Variants in PLD5 observed in about 807,000 individuals in gnomAD.
PLD5 encodes inactive phospholipase D5.
In PLD5, 36 loss-of-function variants were observed where a neutral mutation model predicts 61.1. The observed-to-expected ratio is 0.59, with a 90% CI of 0.45 to 0.78. The LOEUF is 0.78. Ranked by LOEUF, PLD5 falls within the 30% of genes least tolerant of loss-of-function variation. PLD5 has a pLI of 0.00. For synonymous variants in PLD5, 243 were observed against 242.8 expected (o/e 1.00, Z -0.01); for missense variants, 515 against 644.4 (o/e 0.80, Z 2.17).
At chr1:242,287,229 C>G (rs1427756895) in intron 3 of PLD5, among the ~76,000 whole-genome samples, 1 of 152,174 alleles carries the variant, frequency 6.6e-6, no homozygotes, top group Admixed American at 6.5e-5. Flanking sequence ...GAAAGCCATC[C>G]AGGATTCTCC....
chr1:242,463,985 C>T (rs562008690), intron 1 of PLD5, among the ~76,000 whole-genome samples: 3 of 152,284 alleles, frequency 2.0e-5, no homozygotes, highest in African/African-American at 7.2e-5. Flanking sequence ...TTCCCCACCT[C>T]TCCACTGACA....
chr1:242,095,234 ATATT>A (rs1240573392), intron 9 of PLD5, among the ~76,000 whole-genome samples: 1 of 151,354 alleles, frequency 6.6e-6, no homozygotes, highest in Non-Finnish European at 1.5e-5. Flanking sequence ...CGCGTCCGGC[ATATT>A]TATTTATTTA....
At chr1:242,366,984 ACT>A (rs1157127373) in intron 1 of PLD5, among the ~76,000 whole-genome samples, 1 of 152,108 alleles carries the variant, frequency 6.6e-6, no homozygotes, top group Non-Finnish European at 1.5e-5. Context: ...AATGTAAAAC[ACT>A]CTGAGCCCAT....
intron 2 of PLD5, among the ~76,000 whole-genome samples, chr1:242,297,106 G>A (rs1675703269): frequency 6.6e-6 from 1 of 152,060 alleles, no homozygotes; most frequent in Admixed American, 6.6e-5. Context: ...AGCACTTTGG[G>A]AGGCCAAGGC....
chr1:242,330,364 A>C (rs969698195), intron 2 of PLD5, among the ~76,000 whole-genome samples: 88 of 152,256 alleles, frequency 5.8e-4, no homozygotes, highest in African/African-American at 2.0e-3. Context: ...CTGTGACAAC[A>C]TTGAGCCTTT....
chr1:242,180,859 T>C (rs1233983638), intron 5 of PLD5, among the ~76,000 whole-genome samples: 1 of 152,156 alleles, frequency 6.6e-6, no homozygotes, highest in Admixed American at 6.5e-5. Flanking sequence ...GGTACATATC[T>C]ATGTTCCCAG....
chr1:242,209,584 CAACCTGCACCCGTCTAAGTTGGAG>C (rs1328886712), intron 5 of PLD5, among the ~76,000 whole-genome samples: 10 of 152,330 alleles, frequency 6.6e-5, no homozygotes, highest in Non-Finnish European at 1.0e-4. Flanking sequence ...GGCAACAGCA[CAACCTGCACCCGTCTAAGTTGGAG>C]AACTTAATCC....
chr1:242,219,702 G>A (rs1296368566), intron 5 of PLD5, among the ~76,000 whole-genome samples: 2 of 152,050 alleles, frequency 1.3e-5, no homozygotes, highest in Non-Finnish European at 2.9e-5. Flanking sequence ...GAAAATATAG[G>A]TCTGGGTGAT....
rs1426442852 is a variant in PLD5, at chr1:242,088,305, G to A, written c.*1549C>T. 2 of 152,098 alleles carry A rather than the reference G, an allele frequency of 1.3e-5. No individual in the cohort carries two copies. The highest frequency in any genetic ancestry group is 4.8e-5 in the African/African-American group (2 of 41,428). 9.4% of individuals were successfully genotyped at this position (152,098 alleles called of 1,614,324 possible). A position where few individuals can be genotyped will look rare whatever the true frequency, so the allele number is the denominator to read the frequency against. ...CCAGATCTCCACCAGGGTTTCTGTG[G>A]GGCTGTGCTCTTTTCATCCACATTT... On this transcript the variant is annotated 3_prime_UTR_variant, in exon 10 of 10. Coordinates refer to ENST00000536534, the MANE Select transcript of PLD5 (RefSeq NM_001372062.1).
At chr1:242,336,718 TATC>T (rs1659533061) in intron 2 of PLD5, among the ~76,000 whole-genome samples, 1 of 152,100 alleles carries the variant, frequency 6.6e-6, no homozygotes, top group Admixed American at 6.6e-5. Flanking sequence ...TTGACATTAT[TATC>T]ATCTGTATAT....
intron 1 of PLD5, among the ~76,000 whole-genome samples, chr1:242,475,265 T>G (rs1348386631): frequency 6.6e-6 from 1 of 151,642 alleles, no homozygotes; most frequent in Non-Finnish European, 1.5e-5. Context: ...CTACTAAAAA[T>G]ACAAAAAATT....
At chr1:242,321,649 C>T (rs1658419068) in intron 2 of PLD5, among the ~76,000 whole-genome samples, 1 of 152,076 alleles carries the variant, frequency 6.6e-6, no homozygotes, top group African/African-American at 2.4e-5. Flanking sequence ...AGCCAGGCCT[C>T]CTCTTCTCTC....
At chr1:242,480,304 C>T (rs1210622097) in intron 1 of PLD5, among the ~76,000 whole-genome samples, 1 of 151,960 alleles carries the variant, frequency 6.6e-6, no homozygotes, top group Non-Finnish European at 1.5e-5. Context: ...AAATGGATAG[C>T]AACATGAAGA....
chr1:242,403,027 C>T (rs187638453), intron 1 of PLD5, among the ~76,000 whole-genome samples: 1 of 152,360 alleles, frequency 6.6e-6, no homozygotes, highest in African/African-American at 2.4e-5. Flanking sequence ...TTCCATCCTA[C>T]CTACTCAATC....
chr1:242,166,782 GACTGATA>G (rs1464823760), intron 5 of PLD5, among the ~76,000 whole-genome samples: 1 of 152,140 alleles, frequency 6.6e-6, no homozygotes, highest in African/African-American at 2.4e-5. Context: ...AATAGATGCT[GACTGATA>G]ACATAGTTTT....
At chr1:242,307,230 C>T (rs142130046) in intron 2 of PLD5, among the ~76,000 whole-genome samples, 3,467 of 152,136 alleles carry the variant, frequency 0.023, 91 homozygotes, top group African/African-American at 0.079. Flanking sequence ...TGCTGCTCAA[C>T]TTAGAAAAAG....
At chr1:242,107,416 A>AAAAAAAG (rs1467231951) in intron 8 of PLD5, among the ~76,000 whole-genome samples, 1 of 118,300 alleles carries the variant, frequency 8.5e-6, no homozygotes, top group Non-Finnish European at 1.9e-5. Context: ...TATCTCAAGA[A>AAAAAAAG]AAAAAAGAAA....
intron 1 of PLD5, among the ~76,000 whole-genome samples, chr1:242,370,009 ACTT>A (rs1194840610): frequency 1.3e-5 from 2 of 152,068 alleles, no homozygotes; most frequent in Non-Finnish European, 2.9e-5. Context: ...GGATAAGAAA[ACTT>A]CTGGGAGTAG....
intron 2 of PLD5, chr1:242,345,838 G>C (rs2796098): frequency 3.1e-6 from 1 of 321,054 alleles, no homozygotes; most frequent in African/African-American, 2.2e-5. Context: ...TGGAGAGAAG[G>C]GCAAAAGCAG....
Sources: gnomAD v4.1 joint callset for allele counts (sites outside exome capture counted in the v4.1 genomes callset) on GRCh38, gnomAD v4.1.1 for gene constraint, MANE v1.5 for transcripts, NCBI Gene and HGNC (gene_info 2026-07-23, HGNC 2026-07-21) for gene names.